The following ITGBL1 variants were observed in gnomAD, a reference collection of about 807,000 sequenced individuals.
ITGBL1 encodes integrin beta-like protein 1.
A neutral mutation model predicts 68.5 loss-of-function variants in ITGBL1; 51 were observed. The ratio of observed to expected loss-of-function variants is 0.74; its 90% confidence interval spans 0.59 to 0.94. The LOEUF is 0.94. ITGBL1 is among the 40% of genes least tolerant of loss of function. The pLI is 0.00. For missense variants in ITGBL1, 649 were observed against 647.4 expected, an observed-to-expected ratio of 1.00 and a Z score of -0.03; for synonymous variants, 209 against 227.3, an observed-to-expected ratio of 0.92 and a Z score of 0.72.
At chr13:101,578,844 G>A (rs996215842) in intron 4 of ITGBL1, among the ~76,000 whole-genome samples, 1 of 152,196 alleles carries the variant, frequency 6.6e-6, no homozygotes, top group Non-Finnish European at 1.5e-5. Context: ...TTAAAGAGTT[G>A]TTTGGTCATT....
chr13:101,658,479 G>A (rs554681873), intron 7 of ITGBL1, among the ~76,000 whole-genome samples: 23 of 152,158 alleles, frequency 1.5e-4, no homozygotes, highest in African/African-American at 5.3e-4. Context: ...AATATTATGT[G>A]TGTTGCTTTG....
intron 2 of ITGBL1, among the ~76,000 whole-genome samples, chr13:101,536,212 T>G (rs2049573688): frequency 6.6e-6 from 1 of 151,964 alleles, no homozygotes; most frequent in Admixed American, 6.6e-5. Context: ...TAGGCTATAC[T>G]TGTTTCTTCT....
intron 2 of ITGBL1, among the ~76,000 whole-genome samples, chr13:101,545,597 A>T (rs1028535051): frequency 1.1e-4 from 16 of 152,224 alleles, no homozygotes; most frequent in African/African-American, 3.1e-4. Flanking sequence ...ATATTTTAAA[A>T]AAACGACATA....
intron 2 of ITGBL1, among the ~76,000 whole-genome samples, chr13:101,567,015 C>G (rs1380430865): frequency 5.9e-5 from 9 of 152,116 alleles, no homozygotes; most frequent in Non-Finnish European, 1.3e-4. Context: ...TTCTGTCAGA[C>G]TAATGTGCAA....
intron 7 of ITGBL1, among the ~76,000 whole-genome samples, chr13:101,654,092 C>A (rs931227635): frequency 6.6e-6 from 1 of 151,706 alleles, no homozygotes; most frequent in African/African-American, 2.4e-5. Context: ...TCTTTACAAG[C>A]GGAAGTAACA....
At chr13:101,480,921 T>C (rs2048610108) in intron 2 of ITGBL1, among the ~76,000 whole-genome samples, 2 of 151,722 alleles carry the variant, frequency 1.3e-5, no homozygotes, top group Non-Finnish European at 2.9e-5. Context: ...GGCCAGCAGG[T>C]TCTTTTAAAG....
intron 8 of ITGBL1, among the ~76,000 whole-genome samples, chr13:101,704,928 ATTTAC>A (rs1250018930): frequency 6.6e-6 from 1 of 152,052 alleles, no homozygotes; most frequent in Non-Finnish European, 1.5e-5. Flanking sequence ...TTGTTTATTT[ATTTAC>A]TTTTTTCCTT....
chr13:101,495,217 G>A (rs1367103407), intron 2 of ITGBL1, among the ~76,000 whole-genome samples: 4 of 152,180 alleles, frequency 2.6e-5, no homozygotes, highest in Non-Finnish European at 5.9e-5. Flanking sequence ...TATATAAGTA[G>A]CAGGAATGGT....
chr13:101,581,278 C>G (rs919814096), intron 5 of ITGBL1, among the ~76,000 whole-genome samples: 35 of 152,240 alleles, frequency 2.3e-4, no homozygotes, highest in African/African-American at 7.5e-4. Context: ...CTGCATAGCT[C>G]CTAGTCCCTG....
At position 101,537,451 on chromosome 13, in the gene ITGBL1, G is replaced by A. The variant is rs2049599326; in HGVS notation, c.317-30248G>A. On this transcript the variant is annotated intron_variant, in intron 2 of 10. Transcript: ENST00000376180. Reference sequence around the variant, plus strand: ...GGAAGGCTTTGAACTCAGTCATGAAGTCTGATGATATGTGGCAATTTTGGG... The same window carrying A: ...GGAAGGCTTTGAACTCAGTCATGAAATCTGATGATATGTGGCAATTTTGGG... 2.0e-5 allele frequency among the ~76,000 whole-genome samples: 3 copies of A among 151,976 alleles called. No individual in the cohort carries two copies. The South Asian group carries it at 6.2e-4, about 31-fold the overall frequency.
At chr13:101,671,478 G>A (rs1294127799) in intron 7 of ITGBL1, among the ~76,000 whole-genome samples, 5 of 113,560 alleles carry the variant, frequency 4.4e-5, no homozygotes, top group Middle Eastern at 8.9e-3. Context: ...TCGCTCTGTC[G>A]CCCGGGCTGG....
intron 2 of ITGBL1, among the ~76,000 whole-genome samples, chr13:101,539,982 T>C (rs9513918): frequency 0.13 from 19,518 of 152,164 alleles, 1,798 homozygotes; most frequent in African/African-American, 0.26. Context: ...ATTGCAAAAA[T>C]TTTCTCCCAT....
chr13:101,687,591 T>A (rs2033783818), intron 7 of ITGBL1, among the ~76,000 whole-genome samples: 1 of 152,122 alleles, frequency 6.6e-6, no homozygotes, highest in African/African-American at 2.4e-5. Context: ...TAGTTCATTA[T>A]TCTTCTTTGA....
intron 2 of ITGBL1, among the ~76,000 whole-genome samples, chr13:101,546,584 A>C (rs1196396969): frequency 6.6e-6 from 1 of 151,730 alleles, no homozygotes; most frequent in South Asian, 2.1e-4. Flanking sequence ...AAAAACTAAC[A>C]AACTCATAAC....
chr13:101,527,912 A>G (rs905278587), intron 2 of ITGBL1, among the ~76,000 whole-genome samples: 12 of 152,022 alleles, frequency 7.9e-5, no homozygotes, highest in African/African-American at 2.9e-4. Flanking sequence ...TATTCTTGAT[A>G]GGAATCCTTT....
chr13:101,495,001 CA>C (rs2048836078), intron 2 of ITGBL1, among the ~76,000 whole-genome samples: 1 of 152,174 alleles, frequency 6.6e-6, no homozygotes. Flanking sequence ...TTATTTCACA[CA>C]AGTGCTATAT....
intron 5 of ITGBL1, among the ~76,000 whole-genome samples, chr13:101,581,883 C>A (rs1007144315): frequency 1.3e-5 from 2 of 152,154 alleles, no homozygotes; most frequent in Non-Finnish European, 2.9e-5. Flanking sequence ...TCGTACTCCC[C>A]TTCAGGGCAA....
At chr13:101,697,502 G>A (rs546411097) in intron 8 of ITGBL1, among the ~76,000 whole-genome samples, 2 of 152,246 alleles carry the variant, frequency 1.3e-5, no homozygotes, top group Admixed American at 1.3e-4. Flanking sequence ...AGATTTAAGT[G>A]AGAAGAAGTA....
chr13:101,679,276 C>T (rs1044529316), intron 7 of ITGBL1, among the ~76,000 whole-genome samples: 3 of 152,168 alleles, frequency 2.0e-5, no homozygotes, highest in Non-Finnish European at 2.9e-5. Flanking sequence ...TGGTGCATGA[C>T]GTTGATTGCC....
Sources: gnomAD v4.1 joint callset for allele counts (sites outside exome capture counted in the v4.1 genomes callset) on GRCh38, gnomAD v4.1.1 for gene constraint, MANE v1.5 for transcripts, NCBI Gene and HGNC (gene_info 2026-07-23, HGNC 2026-07-21) for gene names.